Variants in INPP4B observed in about 807,000 individuals in gnomAD.
INPP4B encodes inositol polyphosphate 4-phosphatase type II.
Under a neutral mutation model 122.5 loss-of-function variants are expected in INPP4B, and 55 were observed. The ratio of observed to expected loss-of-function variants is 0.45; its 90% confidence interval spans 0.36 to 0.56. INPP4B has a LOEUF of 0.56. Ranked by LOEUF, INPP4B falls within the 20% of genes least tolerant of loss-of-function variation. The pLI is 0.00. For missense variants in INPP4B, 1,000 were observed against 1,097.7 expected, an observed-to-expected ratio of 0.91 and a Z score of 1.26; for synonymous variants, 403 against 388.7, an observed-to-expected ratio of 1.04 and a Z score of -0.43.
chr4:142,044,578 T>A (rs745833726), intron 25 of INPP4B, among the ~76,000 whole-genome samples: 3 of 151,848 alleles, frequency 2.0e-5, no homozygotes, highest in East Asian at 1.9e-4. Context: ...TTCTATCCTA[T>A]GGAAACTACT....
chr4:142,808,101 AATACAC>A (rs1779072970), intron 1 of INPP4B, among the ~76,000 whole-genome samples: 1 of 127,844 alleles, frequency 7.8e-6, no homozygotes, highest in Non-Finnish European at 1.7e-5. Context: ...TTCATGATAA[AATACAC>A]ACACACACAC....
chr4:142,621,648 T>C (rs1744954856), intron 2 of INPP4B, among the ~76,000 whole-genome samples: 1 of 151,966 alleles, frequency 6.6e-6, no homozygotes, highest in South Asian at 2.1e-4. Context: ...TTTTAACATC[T>C]CTAAATCAGT....
chr4:142,766,282 G>C (rs1202553109), intron 1 of INPP4B, among the ~76,000 whole-genome samples: 1 of 152,040 alleles, frequency 6.6e-6, no homozygotes, highest in Non-Finnish European at 1.5e-5. Flanking sequence ...AGATATAAAT[G>C]TTTGTTTCTT....
At chr4:142,257,572 G>C (rs1360062923) in intron 11 of INPP4B, among the ~76,000 whole-genome samples, 2 of 151,948 alleles carry the variant, frequency 1.3e-5, no homozygotes, top group East Asian at 1.9e-4. Context: ...CAGACAAACA[G>C]AGAGCCAAAT....
At chr4:142,708,272 G>T (rs992084831) in intron 2 of INPP4B, among the ~76,000 whole-genome samples, 2 of 152,206 alleles carry the variant, frequency 1.3e-5, no homozygotes, top group Non-Finnish European at 2.9e-5. Flanking sequence ...TAGAAAATTT[G>T]CAGCCTCACC....
intron 7 of INPP4B, among the ~76,000 whole-genome samples, chr4:142,368,368 T>C (rs926189682): frequency 3.3e-5 from 5 of 152,150 alleles, no homozygotes; most frequent in Non-Finnish European, 5.9e-5. Context: ...TAATTTCATT[T>C]TCTTCCAATA....
intron 2 of INPP4B, among the ~76,000 whole-genome samples, chr4:142,542,997 G>T (rs575308833): frequency 6.6e-6 from 1 of 151,924 alleles, no homozygotes; most frequent in Non-Finnish European, 1.5e-5. Context: ...TGCTTAAAGC[G>T]GTATCTTTCT....
In INPP4B at chr4:142,325,109, G is replaced by A. The variant is rs540530499; in HGVS notation, c.373-10347C>T. ...GTTATTTTTGCTCTGATAGCTTAAC[G>A]GTGCTTTCAAACATGTGATTTTTGC... On this transcript the variant is annotated intron_variant, in intron 7 of 25. Transcript: ENST00000262992. Among the ~76,000 whole-genome samples, 4 of 152,132 alleles carry A rather than the reference G, an allele frequency of 2.6e-5. No individual in the cohort carries two copies. In the South Asian group the frequency reaches 6.3e-4, roughly 24 times the overall value.
At chr4:142,547,170 A>G (rs969131104) in intron 2 of INPP4B, among the ~76,000 whole-genome samples, 1 of 151,366 alleles carries the variant, frequency 6.6e-6, no homozygotes, top group Non-Finnish European at 1.5e-5. Flanking sequence ...TGAGGATGGT[A>G]AATAAGGTTG....
chr4:142,661,448 C>T (rs1755153310), intron 2 of INPP4B, among the ~76,000 whole-genome samples: 1 of 152,102 alleles, frequency 6.6e-6, no homozygotes. Flanking sequence ...AAATAGGTTC[C>T]TGATACTAAG....
intron 2 of INPP4B, among the ~76,000 whole-genome samples, chr4:142,557,521 AT>A (rs1446984485): frequency 7.2e-6 from 1 of 138,558 alleles, no homozygotes; most frequent in Non-Finnish European, 1.5e-5. Context: ...CTGGCAGTCC[AT>A]GGGCAAGAGT....
At chr4:142,713,282 G>A (rs1763338786) in intron 2 of INPP4B, among the ~76,000 whole-genome samples, 1 of 152,178 alleles carries the variant, frequency 6.6e-6, no homozygotes, top group Non-Finnish European at 1.5e-5. Flanking sequence ...GATGTCTCTG[G>A]GGATACAATT....
chr4:142,226,017 T>A (rs1002155757), intron 12 of INPP4B, among the ~76,000 whole-genome samples: 1 of 152,184 alleles, frequency 6.6e-6, no homozygotes, highest in Non-Finnish European at 1.5e-5. Context: ...ATCTAGTAAC[T>A]AACATATTTC....
intron 7 of INPP4B, among the ~76,000 whole-genome samples, chr4:142,317,861 C>T (rs1337754016): frequency 6.6e-6 from 1 of 152,092 alleles, no homozygotes; most frequent in Non-Finnish European, 1.5e-5. Context: ...CTATTGGGGC[C>T]CTGCAGGAAA....
intron 1 of INPP4B, among the ~76,000 whole-genome samples, chr4:142,773,222 A>C (rs1773357472): frequency 6.6e-6 from 1 of 152,144 alleles, no homozygotes; most frequent in African/African-American, 2.4e-5. Flanking sequence ...ATATTAATAA[A>C]TAATATTAGC....
At chr4:142,814,635 G>A (rs1779912676) in intron 1 of INPP4B, among the ~76,000 whole-genome samples, 1 of 152,032 alleles carries the variant, frequency 6.6e-6, no homozygotes, top group African/African-American at 2.4e-5. Context: ...ATAGAACTCA[G>A]GAGCAACTGA....
At chr4:142,221,908 A>C (rs1849543724) in intron 12 of INPP4B, among the ~76,000 whole-genome samples, 2 of 152,162 alleles carry the variant, frequency 1.3e-5, no homozygotes, top group South Asian at 4.1e-4. Context: ...CAACTAAGTC[A>C]ATGAGGTCCT....
intron 2 of INPP4B, among the ~76,000 whole-genome samples, chr4:142,535,587 G>A (rs1179479462): frequency 6.6e-6 from 1 of 152,074 alleles, no homozygotes; most frequent in East Asian, 1.9e-4. Context: ...TGTAATAAAT[G>A]GCTTATAATA....
At chr4:142,102,238 G>C (rs1317749633) in intron 23 of INPP4B, among the ~76,000 whole-genome samples, 1 of 151,878 alleles carries the variant, frequency 6.6e-6, no homozygotes, top group African/African-American at 2.4e-5. Flanking sequence ...AAGTTCAAAG[G>C]ACACAGAAAA....
Sources: allele counts gnomAD v4.1 joint callset (sites outside exome capture counted in the v4.1 genomes callset), GRCh38; gene constraint gnomAD v4.1.1; transcripts MANE v1.5; gene names NCBI Gene and HGNC (gene_info 2026-07-23, HGNC 2026-07-21).